Variants in FBXL17 observed in about 807,000 individuals in gnomAD.
The protein encoded by FBXL17 is F-box/LRR-repeat protein 17.
Under a neutral mutation model 66.2 loss-of-function variants are expected in FBXL17, and 22 were observed. The ratio of observed to expected loss-of-function variants is 0.33; its 90% CI spans 0.24 to 0.47. The LOEUF is 0.47. FBXL17 is among the 20% of genes least tolerant of loss of function. The pLI is 1.00. For missense variants in FBXL17, 878 were observed against 948.2 expected, an observed-to-expected ratio of 0.93 and a Z score of 0.97; for synonymous variants, 474 against 400.5, an observed-to-expected ratio of 1.18 and a Z score of -2.19.
intron 6 of FBXL17, among the ~76,000 whole-genome samples, chr5:108,084,083 C>G (rs769350379): frequency 6.6e-6 from 1 of 152,224 alleles, no homozygotes; most frequent in African/African-American, 2.4e-5. Flanking sequence ...TGGCTTTCTT[C>G]TGTGTTATCA....
At chr5:108,006,218 A>G (rs1753915215) in intron 7 of FBXL17, among the ~76,000 whole-genome samples, 1 of 152,264 alleles carries the variant, frequency 6.6e-6, no homozygotes, top group South Asian at 2.1e-4. Flanking sequence ...AATTAATTTA[A>G]ATAACATTTT....
intron 4 of FBXL17, among the ~76,000 whole-genome samples, chr5:108,280,305 A>G (rs962633796): frequency 3.3e-5 from 5 of 152,192 alleles, no homozygotes; most frequent in Non-Finnish European, 7.4e-5. Flanking sequence ...AGACCAGAAG[A>G]AAATGAGATG....
At position 107,861,673 on chromosome 5, in the gene FBXL17, C is replaced by A. The variant is rs1748125201; in HGVS notation, c.*47G>T. ...ATCAGCTCCCCAAATGTACAATTCT[C>A]CTCTGCTCTGCTGAATGATCCCAGT... On this transcript the variant is annotated 3_prime_UTR_variant, in exon 9 of 9. Coordinates refer to ENST00000542267, the MANE Select transcript of FBXL17 (RefSeq NM_001163315.3). 6.7e-7 allele frequency: 1 copy of A among 1,488,832 alleles called. No individual in the cohort carries two copies. 92.2% of individuals were successfully genotyped at this position (1,488,832 alleles called of 1,614,324 possible). A position where few individuals can be genotyped will look rare whatever the true frequency, so the allele number is the denominator to read the frequency against.
chr5:108,378,264 AC>A (rs1214301954), intron 1 of FBXL17, among the ~76,000 whole-genome samples: 4 of 149,962 alleles, frequency 2.7e-5, no homozygotes, highest in Non-Finnish European at 5.9e-5. Flanking sequence ...TTCCCAAAAA[AC>A]ATCCTTTAAA....
chr5:108,256,185 T>C (rs566910076), intron 4 of FBXL17, among the ~76,000 whole-genome samples: 2 of 152,164 alleles, frequency 1.3e-5, no homozygotes, highest in Admixed American at 6.5e-5. Flanking sequence ...GGAAGGATTA[T>C]TGTCTAATTT....
At chr5:107,886,682 T>C (rs1458196123) in intron 7 of FBXL17, among the ~76,000 whole-genome samples, 1 of 152,108 alleles carries the variant, frequency 6.6e-6, no homozygotes, top group Non-Finnish European at 1.5e-5. Flanking sequence ...TAAATAATGA[T>C]AGTATGGATT....
At chr5:108,056,657 T>C (rs1047090237) in intron 6 of FBXL17, among the ~76,000 whole-genome samples, 6 of 152,134 alleles carry the variant, frequency 3.9e-5, no homozygotes, top group African/African-American at 1.4e-4. Context: ...TGAAACAATA[T>C]AGAAGTTCAT....
At chr5:108,283,107 C>T (rs1225105788) in intron 4 of FBXL17, among the ~76,000 whole-genome samples, 1 of 151,636 alleles carries the variant, frequency 6.6e-6, no homozygotes. Flanking sequence ...AATGCAATCC[C>T]TATCAAATTA....
intron 4 of FBXL17, among the ~76,000 whole-genome samples, chr5:108,237,148 C>T (rs1422027935): frequency 1.3e-5 from 2 of 152,206 alleles, no homozygotes; most frequent in African/African-American, 4.8e-5. Flanking sequence ...ATAATAAAGA[C>T]ACATTTATAG....
intron 6 of FBXL17, among the ~76,000 whole-genome samples, chr5:108,159,096 A>C (rs1305560229): frequency 6.6e-6 from 1 of 152,186 alleles, no homozygotes; most frequent in African/African-American, 2.4e-5. Flanking sequence ...GATGGGTATC[A>C]GAGAATAAAG....
chr5:108,115,050 G>A (rs1006022183), intron 6 of FBXL17, among the ~76,000 whole-genome samples: 1 of 152,124 alleles, frequency 6.6e-6, no homozygotes, highest in African/African-American at 2.4e-5. Context: ...TTAAATGACT[G>A]CATCAATGAC....
At chr5:108,234,262 G>A (rs1251391358) in intron 4 of FBXL17, among the ~76,000 whole-genome samples, 2 of 152,072 alleles carry the variant, frequency 1.3e-5, no homozygotes, top group African/African-American at 2.4e-5. Flanking sequence ...AGTTGCCACC[G>A]GGTTGAAGAG....
At chr5:108,143,683 G>A in intron 6 of FBXL17, among the ~76,000 whole-genome samples, 1 of 140,830 alleles carries the variant, frequency 7.1e-6, no homozygotes, top group African/African-American at 2.7e-5. Flanking sequence ...AGGTAAAGGT[G>A]CTTCTATATT....
intron 4 of FBXL17, among the ~76,000 whole-genome samples, chr5:108,304,673 T>C (rs1758753061): frequency 6.6e-6 from 1 of 151,908 alleles, no homozygotes; most frequent in Admixed American, 6.6e-5. Flanking sequence ...AAAAAGAGAA[T>C]CTCTTACAAT....
At chr5:107,953,519 T>C (rs1441363874) in intron 7 of FBXL17, among the ~76,000 whole-genome samples, 1 of 152,134 alleles carries the variant, frequency 6.6e-6, no homozygotes, top group Non-Finnish European at 1.5e-5. Context: ...ACTCCAGTTA[T>C]GTGCTGCTCT....
intron 7 of FBXL17, among the ~76,000 whole-genome samples, chr5:107,935,354 G>C (rs1750866042): frequency 6.6e-6 from 1 of 151,740 alleles, no homozygotes; most frequent in African/African-American, 2.4e-5. Flanking sequence ...ATGAAACAAT[G>C]CTCTTGATTT....
At chr5:108,042,427 A>G (rs986206482) in intron 6 of FBXL17, among the ~76,000 whole-genome samples, 2 of 151,892 alleles carry the variant, frequency 1.3e-5, no homozygotes, top group African/African-American at 4.8e-5. Context: ...CCACCCCTAC[A>G]TCTTATTTAA....
intron 7 of FBXL17, among the ~76,000 whole-genome samples, chr5:107,974,481 C>T (rs1007906961): frequency 6.6e-6 from 1 of 152,076 alleles, no homozygotes; most frequent in Non-Finnish European, 1.5e-5. Flanking sequence ...TTAATTTCCA[C>T]TCAAAAATGT....
intron 6 of FBXL17, among the ~76,000 whole-genome samples, chr5:108,103,386 T>C (rs2149943228): frequency 6.6e-6 from 1 of 152,336 alleles, no homozygotes; most frequent in African/African-American, 2.4e-5. Flanking sequence ...ATTAGAAAAT[T>C]CACAAAGTCA....
Sources: allele counts gnomAD v4.1 joint callset (sites outside exome capture counted in the v4.1 genomes callset), GRCh38; gene constraint gnomAD v4.1.1; transcripts MANE v1.5; gene names NCBI Gene and HGNC (gene_info 2026-07-23, HGNC 2026-07-21).